KIF15: variants seen among roughly 807,000 people sequenced by gnomAD.
KIF15 encodes kinesin-like protein KIF15.
KIF15 carries 140 observed loss-of-function variants against 190.6 expected under a neutral mutation model. The observed-to-expected ratio is 0.73, with a 90% CI of 0.64 to 0.84. The LOEUF (loss-of-function observed/expected upper bound fraction) is 0.84. Ranked by LOEUF, KIF15 falls within the 40% of genes least tolerant of loss-of-function variation. KIF15 has a pLI of 0.00. For synonymous variants in KIF15, 528 were observed against 551.3 expected (o/e 0.96, Z 0.59); for missense variants, 1,372 against 1,584.4 (o/e 0.87, Z 2.28).
intron 11 of KIF15, 60 bp from the exon 12 acceptor site, chr3:44,801,390 G>T: frequency 1.0e-6 from 1 of 996,232 alleles, no homozygotes; most frequent in South Asian, 1.4e-5. Flanking sequence ...CTGTTCTCTT[G>T]GTTTTGCAAT....
intron 6 of KIF15, chr3:44,862,440 G>C (rs1400506966): frequency 6.5e-6 from 1 of 152,926 alleles, no homozygotes; most frequent in Non-Finnish European, 1.5e-5. Context: ...GTTCGCTCTC[G>C]GGGAAGAACT....
intron 20 of KIF15, among the ~76,000 whole-genome samples, chr3:44,821,663 C>T (rs1444594694): frequency 1.3e-5 from 2 of 152,030 alleles, no homozygotes; most frequent in African/African-American, 2.4e-5. Flanking sequence ...CAGAGGGGCT[C>T]CTCACGTCCC....
intron 26 of KIF15, 59 bp downstream of exon 26, chr3:44,831,077 T>C (rs1698048098): frequency 7.1e-6 from 11 of 1,546,418 alleles, no homozygotes; most frequent in Non-Finnish European, 8.8e-6. Flanking sequence ...ATATGTGTAT[T>C]TGTGTGTGGA....
intron 6 of KIF15, among the ~76,000 whole-genome samples, chr3:44,867,834 AACTATATCAAT>A (rs1699337470): frequency 6.6e-6 from 1 of 152,240 alleles, no homozygotes; most frequent in Admixed American, 6.5e-5. Flanking sequence ...GATAAGAATA[AACTATATCAAT>A]ACTATATCAA....
rs75564544 is a variant in KIF15, at chr3:44,767,476, G to A, written c.19+5592G>A. Among the ~76,000 whole-genome samples, 34 of 152,324 alleles carry A rather than the reference G, an allele frequency of 2.2e-4. No homozygotes were observed. In the East Asian group the frequency reaches 4.2e-3, roughly 19 times the overall value. On this transcript the variant is annotated intron_variant, in intron 1 of 34. Coordinates refer to ENST00000326047, the MANE Select transcript of KIF15 (RefSeq NM_020242.3). The stretch of plus-strand genomic sequence containing the variant: ...AAGCAACTGGAAAGATGGAGTTAAC[G>A]GAGATGTAGAAACACATTTGGGCTA...
Position 44,813,180 on chromosome 3 carries a change from T to TTTTTGAAAAGTGAGGTACATGACCTGC in KIF15, c.2383_2383+1insTTTTGAAAAGTGAGGTACATGACCTGC (p.Leu803_Arg804insLeuLeuLysSerGluValHisAspLeu). The TTTTTGAAAAGTGAGGTACATGACCTGC allele has an allele frequency of 6.5e-7, 1 of 1,550,132 alleles. No individual in the cohort carries two copies. The highest frequency in any genetic ancestry group is 1.8e-5 in the Admixed American group (1 of 55,638). On this transcript the variant is annotated inframe_insertion and splice_region_variant. Coordinates refer to ENST00000326047, the MANE Select transcript of KIF15 (RefSeq NM_020242.3). ...TCAAGAGACTCAAACTAAAAATGAC[T>TTTTTGAAAAGTGAGGTACATGACCTGC]GTAAGTTATTCTATCAGGAGCTTTG...
chr3:44,852,927 C>A lies in KIF15; in HGVS notation c.*192C>A. 2.3e-6 allele frequency: 1 copy of A among 438,178 alleles called. No individual in the cohort carries two copies. Among genetic ancestry groups the A allele is most frequent in the Non-Finnish European group, 4.0e-6 (1 of 252,016 alleles). The allele number at this position is 438,178 out of a possible 1,614,324, so 27.1% of individuals were successfully genotyped here. A position where few individuals can be genotyped will look rare whatever the true frequency, so the allele number is the denominator to read the frequency against. On this transcript the variant is annotated 3_prime_UTR_variant, in exon 35 of 35. Transcript: ENST00000326047. The stretch of plus-strand genomic sequence containing the variant: ...TCCATATACACCCTGTGACAGTCAG[C>A]AGTCTGCTATTAAGTGGCCTACTTC...
rs533161049 is a variant in KIF15, at chr3:44,816,767, G to A, written c.2549+1691G>A. 4.6e-5 allele frequency among the ~76,000 whole-genome samples: 7 copies of A among 152,264 alleles called. No individual in the cohort carries two copies. The South Asian group carries it at 8.3e-4, about 18-fold the overall frequency. On this transcript the variant is annotated intron_variant, in intron 20 of 34. Coordinates refer to ENST00000326047, the MANE Select transcript of KIF15 (RefSeq NM_020242.3). ...TGGGTATATACCCAGTAATGGGATC[G>A]GTGGCTCAAATGGTATTTCTAGTTC... is the stretch of plus-strand genomic sequence containing the variant.
At chr3:44,838,175 TA>T in intron 26 of KIF15, 99 bp from the exon 27 acceptor site, 2 of 1,284,748 alleles carry the variant, frequency 1.6e-6, no homozygotes, top group Non-Finnish European at 2.1e-6. Context: ...GGTTTTTACA[TA>T]AAACTTCCTT....
At chr3:44,778,833 A>G (rs531566938) in intron 4 of KIF15, among the ~76,000 whole-genome samples, 257 of 151,944 alleles carry the variant, frequency 1.7e-3, no homozygotes, top group Non-Finnish European at 2.7e-3. Context: ...TACAAAAAAA[A>G]TAGCTGGATG....
chr3:44,792,785 A>T (rs185267331), intron 7 of KIF15, among the ~76,000 whole-genome samples: 1 of 152,084 alleles, frequency 6.6e-6, no homozygotes, highest in South Asian at 2.1e-4. Flanking sequence ...TGACCTCATG[A>T]TCCACCCACC....
chr3:44,787,119 G>T (rs1575592822), intron 7 of KIF15, among the ~76,000 whole-genome samples: 1 of 152,176 alleles, frequency 6.6e-6, no homozygotes, highest in East Asian at 1.9e-4. Context: ...CAAGCATAAT[G>T]TTAAAGTGAA....
intron 26 of KIF15, among the ~76,000 whole-genome samples, chr3:44,837,931 GACA>G (rs1351336297): frequency 1.3e-5 from 2 of 152,142 alleles, no homozygotes; most frequent in South Asian, 2.1e-4. Context: ...CAATTGGTGA[GACA>G]ACAACAAGTA....
intron 16 of KIF15, 122 bp downstream of exon 16, chr3:44,806,108 G>T (rs189428061): frequency 9.5e-7 from 1 of 1,049,016 alleles, no homozygotes; most frequent in Admixed American, 2.6e-5. Context: ...AATTAACACC[G>T]GTGTCACACT....
chr3:44,790,058 A>G (rs895130813), intron 7 of KIF15, among the ~76,000 whole-genome samples: 2 of 152,230 alleles, frequency 1.3e-5, no homozygotes, highest in African/African-American at 4.8e-5. Context: ...AGAAATTGTC[A>G]GGAGCACTTC....
intron 24 of KIF15, among the ~76,000 whole-genome samples, chr3:44,829,406 A>G (rs911800698): frequency 1.5e-4 from 21 of 141,650 alleles, no homozygotes; most frequent in Non-Finnish European, 6.0e-5. Context: ...GTGTATGTAT[A>G]TATATTACAT....
In KIF15 at chr3:44,826,426, T is replaced by G. The variant is rs757606452; in HGVS notation, c.2752T>G (p.Leu918Val). 2 of 1,613,056 alleles carry G rather than the reference T, an allele frequency of 1.2e-6. No homozygotes were observed. The highest frequency in any genetic ancestry group is 1.7e-6 in the Non-Finnish European group (2 of 1,179,378). The change falls in exon 22 of 35, where the codon TTA (leucine) becomes GTA (valine). Residue 918 changes from leucine (L) to valine (V), a missense_variant. Coordinates refer to ENST00000326047, the MANE Select transcript of KIF15 (RefSeq NM_020242.3). ...AAAAGAACGCAATAACAAATTATCA[T>G]TACAGTTTGAAGAAGATAAAGAAAA... is the stretch of plus-strand genomic sequence containing the variant. ...AEKERNNKLS[L>V]QFEEDKENSS... is the part of the protein sequence containing the mutation.
At chr3:44,862,139 T>G in intron 6 of KIF15, 2 of 245,750 alleles carry the variant, frequency 8.1e-6, no homozygotes, top group Middle Eastern at 4.0e-3. Context: ...GCGCTGTTGG[T>G]GCTGCTGCTG....
chr3:44,801,321 T>G, intron 11 of KIF15, 129 bp from the exon 12 acceptor site: 1 of 541,254 alleles, frequency 1.8e-6, no homozygotes, highest in South Asian at 2.5e-5. Context: ...CATGAGCCAC[T>G]GTGCCCGGCC....
Sources: gnomAD v4.1 joint callset for allele counts (sites outside exome capture counted in the v4.1 genomes callset) on GRCh38, gnomAD v4.1.1 for gene constraint, MANE v1.5 for transcripts, NCBI Gene and HGNC (gene_info 2026-07-23, HGNC 2026-07-21) for gene names.